Variants in MYO16 observed in about 807,000 individuals in gnomAD.
MYO16 encodes the protein unconventional myosin-XVI.
Under a neutral mutation model 205.3 loss-of-function variants are expected in MYO16, and 94 were observed. That is an observed-to-expected ratio of 0.46 (90% CI 0.39 to 0.54). The LOEUF (loss-of-function observed/expected upper bound fraction) is 0.54, where lower values mean the gene tolerates loss of function less well. Ranked by LOEUF, MYO16 falls within the 20% of genes least tolerant of loss-of-function variation. MYO16 has a pLI of 0.00. For synonymous variants in MYO16, 988 were observed against 954.0 expected, an observed-to-expected ratio of 1.04 and a Z score of -0.66; for missense variants, 2,315 against 2,387.5, an observed-to-expected ratio of 0.97 and a Z score of 0.63.
chr13:108,720,933 T>C (rs914624370), intron 3 of MYO16, among the ~76,000 whole-genome samples: 1 of 152,150 alleles, frequency 6.6e-6, no homozygotes, highest in Non-Finnish European at 1.5e-5. Context: ...TCATTCATGA[T>C]ATGTTCATTA....
At chr13:108,640,074 A>G (rs1249735510) in intron 1 of MYO16, among the ~76,000 whole-genome samples, 1 of 152,200 alleles carries the variant, frequency 6.6e-6, no homozygotes, top group East Asian at 1.9e-4. Context: ...TGAAATAGGC[A>G]TGGGAGTTGT....
intron 2 of MYO16, among the ~76,000 whole-genome samples, chr13:108,673,806 A>G (rs1422718658): frequency 6.6e-6 from 1 of 151,960 alleles, no homozygotes; most frequent in African/African-American, 2.4e-5. Flanking sequence ...GCCTTTATTA[A>G]TTGTCGTGTT....
chr13:108,654,259 A>C (rs921015140), intron 1 of MYO16, among the ~76,000 whole-genome samples: 4 of 152,064 alleles, frequency 2.6e-5, no homozygotes, highest in African/African-American at 9.7e-5. Flanking sequence ...TAATTCCCAC[A>C]TGTTGTGGGA....
At chr13:108,964,460 C>T (rs1883710376) in intron 19 of MYO16, among the ~76,000 whole-genome samples, 1 of 152,162 alleles carries the variant, frequency 6.6e-6, no homozygotes, top group Non-Finnish European at 1.5e-5. Flanking sequence ...AAAAGCCTTG[C>T]CAGGAGGGAC....
In MYO16 at chr13:108,726,569, A is replaced by AC. The variant is rs1407330370; in HGVS notation, c.364-871_364-870insC. On this transcript the variant is annotated intron_variant, in intron 3 of 34. Transcript: ENST00000457511. The stretch of plus-strand genomic sequence containing the variant: ...TGAGACTCTGTTTCAAAAAAAAAAA[A>AC]AAAGAAAAAGAAAAAGAAAAATACT... 7.0e-4 allele frequency among the ~76,000 whole-genome samples: 37 copies of AC among 52,528 alleles called. 1 individual carries two copies. The highest frequency in any genetic ancestry group is 2.9e-3 in the Admixed American group (16 of 5,502). The allele number at this position is 52,528 out of a possible 152,430, so 34.5% of individuals were successfully genotyped here.
At chr13:109,034,653 A>T (rs1886654708) in intron 23 of MYO16, among the ~76,000 whole-genome samples, 2 of 152,210 alleles carry the variant, frequency 1.3e-5, no homozygotes, top group Non-Finnish European at 2.9e-5. Flanking sequence ...ATATTTTTAA[A>T]AGGTTAGTCC....
chr13:108,883,290 A>G, intron 13 of MYO16, 104 bp downstream of exon 13: 1 of 1,380,424 alleles, frequency 7.2e-7, no homozygotes, highest in Non-Finnish European at 9.8e-7. Context: ...CTTTCTCAGC[A>G]CCTTGAGGTC....
chr13:109,048,308 A>G, intron 24 of MYO16: 1 of 742,130 alleles, frequency 1.3e-6, no homozygotes, highest in South Asian at 1.5e-5. Context: ...TCCAGGAAAA[A>G]ACAATTCAGT....
Position 109,023,957 on chromosome 13 carries a change from A to T in MYO16, c.2796+4046A>T, listed in dbSNP as rs1352930356. 4.9e-5 allele frequency among the ~76,000 whole-genome samples: 7 copies of T among 141,944 alleles called. No individual in the cohort carries two copies. In the Admixed American group the frequency reaches 5.0e-4, roughly 10 times the overall value. The allele number at this position is 141,944 out of a possible 152,430, so 93.1% of individuals were successfully genotyped here. On this transcript the variant is annotated intron_variant, in intron 23 of 34. Coordinates refer to ENST00000457511, the MANE Select transcript of MYO16 (RefSeq NM_001198950.3). Reference sequence around the variant, plus strand: ...AAAATATGAATATATGTATATAAATATATACTATATATTTCTATATGTATA... The same window carrying T: ...AAAATATGAATATATGTATATAAATTTATACTATATATTTCTATATGTATA...
At chr13:109,113,689 G>A (rs937567175) in intron 28 of MYO16, among the ~76,000 whole-genome samples, 2 of 152,128 alleles carry the variant, frequency 1.3e-5, no homozygotes, top group African/African-American at 4.8e-5. Context: ...TGGGGTTCTG[G>A]CTTGGGTGAT....
chr13:108,943,714 G>C (rs1304726538), intron 16 of MYO16, among the ~76,000 whole-genome samples: 1 of 152,040 alleles, frequency 6.6e-6, no homozygotes, highest in Non-Finnish European at 1.5e-5. Flanking sequence ...GCCTCCCAAA[G>C]TGCTGGGATT....
In MYO16 at chr13:109,201,200, G is replaced by A. The variant is rs111459553; in HGVS notation, c.5416-5409G>A. On this transcript the variant is annotated intron_variant, in intron 34 of 34. Transcript: ENST00000457511. ...GATTAAATATTATATTATTCTTTTAGTAATTTCACAAGAGAAGACAACATG... is the reference window on the plus strand; with the variant it reads ...GATTAAATATTATATTATTCTTTTAATAATTTCACAAGAGAAGACAACATG... 5.4e-3 allele frequency among the ~76,000 whole-genome samples: 822 copies of A among 151,952 alleles called. 9 individuals are homozygous for A. The highest frequency in any genetic ancestry group is 0.018 in the African/African-American group (761 of 41,434).
chr13:108,554,308 C>A, the MYO16 span, among the ~76,000 whole-genome samples: 1 of 151,898 alleles, frequency 6.6e-6, no homozygotes, highest in African/African-American at 2.4e-5. Context: ...CAACAAAAAA[C>A]AGAAATCCAA....
intron 32 of MYO16, among the ~76,000 whole-genome samples, chr13:109,151,360 C>A (rs1281617109): frequency 6.6e-6 from 1 of 152,142 alleles, no homozygotes; most frequent in Non-Finnish European, 1.5e-5. Context: ...TGGCCATTTG[C>A]AAATTTAATA....
chr13:108,537,658 T>C, the MYO16 span, among the ~76,000 whole-genome samples: 1 of 151,984 alleles, frequency 6.6e-6, no homozygotes, highest in Non-Finnish European at 1.5e-5. Context: ...CTCACCAACA[T>C]TTGTTTTTTT....
the MYO16 span, among the ~76,000 whole-genome samples, chr13:108,588,271 T>A: frequency 6.6e-6 from 1 of 152,170 alleles, no homozygotes; most frequent in Non-Finnish European, 1.5e-5. Context: ...GCTGCCTATG[T>A]GGGAAAGGGA....
intron 16 of MYO16, among the ~76,000 whole-genome samples, chr13:108,933,992 A>C (rs1358856074): frequency 1.3e-5 from 2 of 152,112 alleles, no homozygotes; most frequent in Non-Finnish European, 2.9e-5. Context: ...TTCTTTATTG[A>C]ACTCACTGTT....
chr13:109,115,395 A>G (rs911010820), intron 28 of MYO16, among the ~76,000 whole-genome samples: 3 of 152,168 alleles, frequency 2.0e-5, no homozygotes, highest in African/African-American at 7.2e-5. Flanking sequence ...AATAGCGATG[A>G]CTGTAATTCA....
the MYO16 span, among the ~76,000 whole-genome samples, chr13:108,584,143 C>T: frequency 6.6e-6 from 1 of 151,894 alleles, no homozygotes; most frequent in Admixed American, 6.6e-5. Context: ...TTAGTAGAGA[C>T]GAGTTTTCAC....
Sources: gnomAD v4.1 joint callset for allele counts (sites outside exome capture counted in the v4.1 genomes callset) on GRCh38, gnomAD v4.1.1 for gene constraint, MANE v1.5 for transcripts, NCBI Gene and HGNC (gene_info 2026-07-23, HGNC 2026-07-21) for gene names.